Variants in CCND2 observed in about 807,000 individuals in gnomAD.
CCND2 encodes the protein cyclin D2, also known as G1/S-specific cyclin-D2.
A neutral mutation model predicts 30.2 loss-of-function variants in CCND2; 6 were observed. The ratio of observed to expected loss-of-function variants is 0.20; its 90% CI spans 0.11 to 0.39. The LOEUF (loss-of-function observed/expected upper bound fraction) is 0.39, where lower values mean the gene tolerates loss of function less well. CCND2 is among the 10% of genes least tolerant of loss of function. The pLI, the probability that CCND2 is intolerant of heterozygous loss-of-function variation, is 1.00. For missense variants in CCND2, 235 were observed against 373.4 expected (o/e 0.63, Z 3.06); for synonymous variants, 150 against 153.1 (o/e 0.98, Z 0.15).
chr12:4,280,180 G>A (rs976831605), intron 3 of CCND2, among the ~76,000 whole-genome samples: 2 of 152,250 alleles, frequency 1.3e-5, no homozygotes, highest in Admixed American at 6.5e-5. Context: ...GCACGTGGAC[G>A]TGCTTTGTAA....
chr12:4,291,805 A>G (rs527718732), intron 4 of CCND2, among the ~76,000 whole-genome samples: 2 of 152,320 alleles, frequency 1.3e-5, no homozygotes, highest in East Asian at 3.9e-4. Context: ...ATGTTATAAC[A>G]TGGGCGAACC....
intron 3 of CCND2, among the ~76,000 whole-genome samples, chr12:4,286,002 AG>A (rs1436553381): frequency 1.3e-5 from 2 of 152,150 alleles, no homozygotes; most frequent in African/African-American, 4.8e-5. Context: ...CAGATCCTCA[AG>A]TAAGAGCAAA....
Position 4,274,209 on chromosome 12 carries a change from A to G in CCND2, c.169A>G (p.Arg57Gly), listed in dbSNP as rs61731957. Residue 57 changes from arginine (R) to glycine (G), a missense_variant, in exon 1 of 5, where the codon AGA (arginine) becomes GGA (glycine). This residue lies in a region of CCND2 where 178 missense variants were observed against 322.8 expected (regional missense o/e 0.55). Transcript: ENST00000261254. The surrounding 1 kb of genome is among the most constrained non-coding windows in gnomAD (Gnocchi z 7.7). ...VQKDIQPYMR[R>G]MVATWMLEVC... ...GAAGGACATCCAACCCTACATGCGC[A>G]GAATGGTGGCCACCTGGATGCTGGA... is the stretch of plus-strand genomic sequence containing the variant. The G allele has an allele frequency of 1.9e-6, 3 of 1,613,910 alleles. No homozygotes were observed. The African/African-American group carries it at 4.0e-5, about 22-fold the overall frequency.
rs1591648699 is a variant in CCND2 at position 4,290,582 on chromosome 12, C to G, written c.720+1592C>G. ...CAGTGACAGGAGTTGGAAGCGGCCA[C>G]CCCCCTCCTCCTGCCCCCAGGCATT... On this transcript the variant is annotated intron_variant, in intron 4 of 4. Coordinates refer to ENST00000261254, the MANE Select transcript of CCND2 (RefSeq NM_001759.4). Among the ~76,000 whole-genome samples, 4 of 150,428 alleles carry G rather than the reference C, an allele frequency of 2.7e-5. No homozygotes were observed. In the East Asian group the frequency reaches 7.8e-4, roughly 29 times the overall value.
rs1864133399 is a variant in CCND2 at position 4,293,971 on chromosome 12, C to G, written c.720+4981C>G. On this transcript the variant is annotated intron_variant, in intron 4 of 4. Coordinates refer to ENST00000261254, the MANE Select transcript of CCND2 (RefSeq NM_001759.4). This position sits in a 1 kb window ranked among gnomAD's most constrained non-coding sequence, Gnocchi z 4.9. ...CTCATTTGGTATGCAAGGAAATAAG[C>G]CAAACAGCCTGTGAAGAAAGGAAGA... 6.6e-6 allele frequency among the ~76,000 whole-genome samples: 1 copy of G among 152,124 alleles called. No individual in the cohort carries two copies. The highest frequency in any genetic ancestry group is 2.1e-4 in the South Asian group (1 of 4,824).
Position 4,276,151 on chromosome 12 carries a change from G to A in CCND2, c.342G>A (p.Glu114=). The change falls in exon 2 of 5, where the codon GAG becomes GAA. Residue 114 remains glutamate, a synonymous_variant. Transcript: ENST00000261254. The surrounding 1 kb of genome is among the most constrained non-coding windows in gnomAD (Gnocchi z 4.8). ...VCMFLASKLK[E]TSPLTAEKLC... is the part of the protein sequence containing the mutation. ...TGTTCCTGGCCTCCAAACTCAAAGAGACCAGCCCGCTGACCGCGGAGAAGC... is the reference window on the plus strand; with the variant it reads ...TGTTCCTGGCCTCCAAACTCAAAGAAACCAGCCCGCTGACCGCGGAGAAGC... 6.2e-7 allele frequency: 1 copy of A among 1,614,174 alleles called. No homozygotes were observed. The highest frequency in any genetic ancestry group is 1.1e-5 in the South Asian group (1 of 91,084).
chr12:4,290,108 A>G (rs1013967709), intron 4 of CCND2, among the ~76,000 whole-genome samples: 4 of 152,168 alleles, frequency 2.6e-5, no homozygotes, highest in African/African-American at 7.2e-5. Context: ...CATGTGGTTT[A>G]TAGGCCTATG....
At chr12:4,288,741 G>A (rs146732319) in intron 3 of CCND2, 101 bp from the exon 4 acceptor site, 31 of 1,202,386 alleles carry the variant, frequency 2.6e-5, no homozygotes, top group African/African-American at 2.2e-4. Flanking sequence ...CACTCGCGCC[G>A]CTGACCTGCT....
intron 4 of CCND2, among the ~76,000 whole-genome samples, chr12:4,297,562 C>T (rs1215011060): frequency 8.6e-6 from 1 of 115,950 alleles, no homozygotes; most frequent in Non-Finnish European, 1.7e-5. Context: ...CAGAGCAACA[C>T]TCTGTCTCAA....
At chr12:4,281,011 C>G (rs868691753) in intron 3 of CCND2, among the ~76,000 whole-genome samples, 1 of 152,162 alleles carries the variant, frequency 6.6e-6, no homozygotes, top group Non-Finnish European at 1.5e-5. Context: ...GAGTAGGGAG[C>G]CTGGGATTCA....
intron 4 of CCND2, among the ~76,000 whole-genome samples, chr12:4,297,550 G>A (rs1231327527): frequency 7.2e-5 from 9 of 124,240 alleles, no homozygotes; most frequent in Admixed American, 1.0e-4. Context: ...CAGCCTGGGC[G>A]ACAGAGCAAC....
chr12:4,288,997 G>A lies in CCND2; in HGVS notation c.720+7G>A, dbSNP rs780410687. 8 of 1,605,762 alleles carry A rather than the reference G, an allele frequency of 5.0e-6. No homozygotes were observed. The highest frequency in any genetic ancestry group is 6.8e-6 in the Non-Finnish European group (8 of 1,175,814). ...GATCACCAACACAGACGTGGTAGGTGGCCACCACCTTCTTGGCTAAGTCCA... is the reference window on the plus strand; with the variant it reads ...GATCACCAACACAGACGTGGTAGGTAGCCACCACCTTCTTGGCTAAGTCCA... On this transcript the variant is annotated splice_region_variant and intron_variant, in intron 4 of 4. Coordinates refer to ENST00000261254, the MANE Select transcript of CCND2 (RefSeq NM_001759.4).
chr12:4,280,961 C>G (rs3217817), intron 3 of CCND2, among the ~76,000 whole-genome samples: 11,686 of 152,300 alleles, frequency 0.077, 787 homozygotes, highest in East Asian at 0.25. Context: ...CCGTGGCCTT[C>G]TTGCCCAGAT....
chr12:4,277,653 C>T (rs1394712090), intron 2 of CCND2, among the ~76,000 whole-genome samples: 1 of 152,162 alleles, frequency 6.6e-6, no homozygotes, highest in African/African-American at 2.4e-5. Flanking sequence ...TTGGAAGAGT[C>T]CTATTTTACA....
chr12:4,291,370 C>T (rs1235137193), intron 4 of CCND2, among the ~76,000 whole-genome samples: 1 of 152,132 alleles, frequency 6.6e-6, no homozygotes, highest in Non-Finnish European at 1.5e-5. Context: ...GTGAGTTGTG[C>T]TTCCTGAGCT....
rs1864279565 is a variant in CCND2 at position 4,303,566 on chromosome 12, C to T, written c.*3557C>T. On this transcript the variant is annotated 3_prime_UTR_variant, in exon 5 of 5. Transcript: ENST00000261254. The surrounding 1 kb of genome is among the most constrained non-coding windows in gnomAD (Gnocchi z 4.6). ...GGGCCGAGTTGTTCCCCCAGCCTGC[C>T]AAATTTTGATCCTTCCCCTCTTTTG... The T allele has an allele frequency of 4.3e-6, 1 of 233,494 alleles. No homozygotes were observed. Among genetic ancestry groups the T allele is most frequent in the Admixed American group, 5.6e-5 (1 of 17,772 alleles). The allele number at this position is 233,494 out of a possible 1,614,324, so 14.5% of individuals were successfully genotyped here. A position where few individuals can be genotyped will look rare whatever the true frequency, so the allele number is the denominator to read the frequency against.
chr12:4,286,037 G>C (rs1350646026), intron 3 of CCND2, among the ~76,000 whole-genome samples: 2 of 152,180 alleles, frequency 1.3e-5, no homozygotes, highest in Admixed American at 6.5e-5. Context: ...GCACCTGGGA[G>C]GTTATCCTGC....
chr12:4,275,933 T>C (rs1863866741), intron 1 of CCND2, 72 bp from the exon 2 acceptor site: 2 of 1,007,934 alleles, frequency 2.0e-6, no homozygotes, highest in Non-Finnish European at 2.9e-6. Flanking sequence ...TACGCTTTTT[T>C]ATTCTTTTTC....
At position 4,293,901 on chromosome 12, in the gene CCND2, A is replaced by G. The variant is rs1478420914; in HGVS notation, c.720+4911A>G. On this transcript the variant is annotated intron_variant, in intron 4 of 4. Coordinates refer to ENST00000261254, the MANE Select transcript of CCND2 (RefSeq NM_001759.4). The surrounding 1 kb of genome is among the most constrained non-coding windows in gnomAD (Gnocchi z 4.9). ...GCTGGGGGTGGGGAGGTGGAATAGAATCGGGGGCTGATGCCTCCCTCTCCT... is the reference window on the plus strand; with the variant it reads ...GCTGGGGGTGGGGAGGTGGAATAGAGTCGGGGGCTGATGCCTCCCTCTCCT... Among the ~76,000 whole-genome samples, 1 of 152,162 alleles carries G rather than the reference A, an allele frequency of 6.6e-6. No individual in the cohort carries two copies. Among genetic ancestry groups the G allele is most frequent in the South Asian group, 2.1e-4 (1 of 4,818 alleles).
Sources: gnomAD v4.1 joint callset for allele counts (sites outside exome capture counted in the v4.1 genomes callset) on GRCh38, gnomAD v4.1.1 for gene constraint, gnomAD v4.1.1 regional missense constraint, Gnocchi (gnomAD v3.1) non-coding constraint, MANE v1.5 for transcripts, NCBI Gene and HGNC (gene_info 2026-07-23, HGNC 2026-07-21) for gene names.